Variants in ASTN1 observed in about 807,000 individuals in gnomAD.
ASTN1 encodes astrotactin 1, also known as astrotactin-1.
In ASTN1, 41 loss-of-function variants were observed where a neutral mutation model predicts 140.7. That is an observed-to-expected ratio of 0.29 (90% confidence interval 0.23 to 0.38). The LOEUF is 0.38. ASTN1 is among the 10% of genes least tolerant of loss of function. The pLI, the probability that ASTN1 is intolerant of heterozygous loss-of-function variation, is 1.00. For synonymous variants in ASTN1, 640 were observed against 652.2 expected, an observed-to-expected ratio of 0.98 and a Z score of 0.29; for missense variants, 1,479 against 1,678.8, an observed-to-expected ratio of 0.88 and a Z score of 2.08.
intron 1 of ASTN1, among the ~76,000 whole-genome samples, chr1:177,066,915 G>A (rs1416826088): frequency 6.6e-6 from 1 of 152,126 alleles, no homozygotes; most frequent in African/African-American, 2.4e-5. Context: ...CAAGGCAGGA[G>A]GAAGCATTAA....
chr1:176,869,017 G>T lies in ASTN1; in HGVS notation c.3474C>A (p.Asp1158Glu). ...AGCCATTGAAGAGATTGTAGATCTT[G>T]TCTGCTATTTCTGAGGAAGGAGGAA... Reference protein sequence around the residue: ...VDDVKAQEIADKIYNLFNGYT... With the variant: ...VDDVKAQEIAEKIYNLFNGYT... The change falls in exon 22 of 23, where the codon GAC becomes GAA. Residue 1158 changes from aspartate to glutamate, a missense_variant. Asp to Glu is a conservative substitution (Grantham distance 45). Around this residue, in one of 3 missense-constraint regions of ASTN1, gnomAD observed 746 missense variants for 800.9 expected, o/e 0.93. Transcript: ENST00000361833. The T allele has an allele frequency of 6.3e-7, 1 of 1,584,956 alleles. No individual in the cohort carries two copies. The highest frequency in any genetic ancestry group is 8.6e-7 in the Non-Finnish European group (1 of 1,165,014).
intron 1 of ASTN1, among the ~76,000 whole-genome samples, chr1:177,087,014 T>C (rs1679504834): frequency 6.6e-6 from 1 of 152,222 alleles, no homozygotes; most frequent in African/African-American, 2.4e-5. Flanking sequence ...TCTCAAACTT[T>C]TTTTTTAGAA....
At chr1:176,915,664 A>G (rs1670448844) in intron 16 of ASTN1, among the ~76,000 whole-genome samples, 2 of 152,118 alleles carry the variant, frequency 1.3e-5, no homozygotes, top group African/African-American at 4.8e-5. Context: ...TTTGTTCCCC[A>G]GAACCCAACA....
At chr1:176,891,921 A>G (rs1571466337) in intron 17 of ASTN1, among the ~76,000 whole-genome samples, 1 of 152,218 alleles carries the variant, frequency 6.6e-6, no homozygotes, top group East Asian at 1.9e-4. Flanking sequence ...TTGGCCTAGG[A>G]GTGTAAGGAA....
intron 8 of ASTN1, among the ~76,000 whole-genome samples, chr1:176,996,999 C>A (rs1203789615): frequency 6.6e-6 from 1 of 152,130 alleles, no homozygotes; most frequent in Non-Finnish European, 1.5e-5. Context: ...AACAGCCTAC[C>A]CAGGGACTGT....
At chr1:177,082,532 A>G (rs78661315) in intron 1 of ASTN1, among the ~76,000 whole-genome samples, 7,404 of 152,262 alleles carry the variant, frequency 0.049, 249 homozygotes, top group South Asian at 0.13. Context: ...GGACACTCAC[A>G]CAAAGGGTAC....
chr1:176,975,316 A>C lies in ASTN1; in HGVS notation c.1524-10079T>G, dbSNP rs73049806. On this transcript the variant is annotated intron_variant, in intron 8 of 22. Transcript: ENST00000361833. ...TGGCAAGGGTGAACAAGGGTTCAGC[A>C]AGGTCACATTAGTAGCCCAAGGTCA... 9.4e-3 allele frequency among the ~76,000 whole-genome samples: 1,429 copies of C among 152,344 alleles called. 34 individuals carry two copies. Among genetic ancestry groups the C allele is most frequent in the African/African-American group, 0.033 (1,362 of 41,586 alleles).
At chr1:176,949,774 T>A (rs766123671) in intron 11 of ASTN1, among the ~76,000 whole-genome samples, 11 of 152,224 alleles carry the variant, frequency 7.2e-5, no homozygotes, top group Non-Finnish European at 1.2e-4. Context: ...ATGAGTTTTT[T>A]AAGTGTCTAA....
intron 9 of ASTN1, among the ~76,000 whole-genome samples, chr1:176,962,095 T>G (rs1672689747): frequency 6.6e-6 from 1 of 152,220 alleles, no homozygotes; most frequent in Non-Finnish European, 1.5e-5. Flanking sequence ...CAGAGCAGGC[T>G]ATTCCAGGAC....
chr1:176,871,508 C>CA, intron 21 of ASTN1, among the ~76,000 whole-genome samples: 1 of 152,274 alleles, frequency 6.6e-6, no homozygotes, highest in African/African-American at 2.4e-5. Flanking sequence ...ACATAGTAGT[C>CA]ATATCCAGCT....
Position 176,864,385 on chromosome 1 carries a change from C to T in ASTN1, c.3784G>A (p.Gly1262Arg), listed in dbSNP as rs776870949. 5.9e-5 allele frequency: 95 copies of T among 1,613,966 alleles called. 1 individual carries two copies. The East Asian group carries it at 1.2e-3, about 20-fold the overall frequency. Reference sequence around the variant, plus strand: ...CGGCTGAGCTCCGCCCAGTCAAGTCCGTAGGGTTTGATCTCGCTGTAGCGG... The same window carrying T: ...CGGCTGAGCTCCGCCCAGTCAAGTCTGTAGGGTTTGATCTCGCTGTAGCGG... ...GCRYSEIKPY[G>R]LDWAELSRDL... The change falls in exon 23 of 23, where the codon GGA (glycine) becomes AGA (arginine). Residue 1262 changes from glycine (G) to arginine (R), a missense_variant. Physicochemically the swap from Gly to Arg is moderately radical, Grantham distance 125. This residue lies in a region of ASTN1 where 746 missense variants were observed against 800.9 expected (regional missense o/e 0.93). Transcript: ENST00000361833.
intron 2 of ASTN1, among the ~76,000 whole-genome samples, chr1:177,034,771 T>A (rs1272076147): frequency 6.6e-6 from 1 of 152,256 alleles, no homozygotes; most frequent in Admixed American, 6.5e-5. Flanking sequence ...CAACAATAGG[T>A]AATTAAGCCA....
At chr1:176,959,184 A>G (rs1672546889) in intron 9 of ASTN1, among the ~76,000 whole-genome samples, 1 of 152,210 alleles carries the variant, frequency 6.6e-6, no homozygotes, top group Non-Finnish European at 1.5e-5. Flanking sequence ...GAAAACCATG[A>G]GAGATTATTT....
chr1:177,106,966 A>G (rs1296974888), intron 1 of ASTN1, among the ~76,000 whole-genome samples: 1 of 152,196 alleles, frequency 6.6e-6, no homozygotes, highest in Non-Finnish European at 1.5e-5. Context: ...GGCAAAGCCA[A>G]GAAGTAATGA....
chr1:177,045,721 G>T (rs1478706842), intron 2 of ASTN1, among the ~76,000 whole-genome samples: 1 of 152,156 alleles, frequency 6.6e-6, no homozygotes, highest in African/African-American at 2.4e-5. Flanking sequence ...ACAGCTGAAG[G>T]CTCACTTACA....
chr1:177,010,008 T>A (rs1315184504), intron 8 of ASTN1, among the ~76,000 whole-genome samples: 1 of 152,164 alleles, frequency 6.6e-6, no homozygotes, highest in Non-Finnish European at 1.5e-5. Flanking sequence ...CTTCTGAAAA[T>A]TGTATCTAGA....
chr1:177,162,091 T>C (rs149893538), intron 1 of ASTN1, among the ~76,000 whole-genome samples: 79 of 152,284 alleles, frequency 5.2e-4, no homozygotes, highest in African/African-American at 1.7e-3. Flanking sequence ...GTTCCAAAGA[T>C]AGGAGTAGGG....
At chr1:177,051,218 T>C (rs1315346069) in intron 2 of ASTN1, among the ~76,000 whole-genome samples, 1 of 152,218 alleles carries the variant, frequency 6.6e-6, no homozygotes, top group Non-Finnish European at 1.5e-5. Flanking sequence ...AATTATTGTC[T>C]TTCACACTGC....
intron 1 of ASTN1, among the ~76,000 whole-genome samples, chr1:177,137,600 G>T (rs1053079988): frequency 6.6e-6 from 1 of 152,166 alleles, no homozygotes; most frequent in East Asian, 1.9e-4. Context: ...CTTGTTCAAG[G>T]TCACAGTTAC....
Sources: allele counts gnomAD v4.1 joint callset (sites outside exome capture counted in the v4.1 genomes callset), GRCh38; gene constraint gnomAD v4.1.1; regional missense constraint gnomAD v4.1.1; transcripts MANE v1.5; gene names NCBI Gene and HGNC (gene_info 2026-07-23, HGNC 2026-07-21).